The following BCL2L11 variants were observed in gnomAD, a reference collection of about 807,000 sequenced individuals.
BCL2L11 encodes BCL2 like 11.
Under a neutral mutation model 20.6 loss-of-function variants are expected in BCL2L11, and 15 were observed. That is an observed-to-expected ratio of 0.73 (90% CI 0.49 to 1.12). BCL2L11 has a LOEUF of 1.12. BCL2L11 is among the 50% of genes most tolerant of loss of function. The pLI is 0.00. For missense variants in BCL2L11, 292 were observed against 260.9 expected (o/e 1.12, Z -0.82); for synonymous variants, 108 against 92.8 (o/e 1.16, Z -0.94).
chr2:111,135,613 G>T (rs1385534921), intron 2 of BCL2L11, among the ~76,000 whole-genome samples: 1 of 152,138 alleles, frequency 6.6e-6, no homozygotes, highest in African/African-American at 2.4e-5. Flanking sequence ...TTTGATGCTA[G>T]ATGGGAGAGT....
chr2:111,136,707 T>C (rs1440519951), intron 2 of BCL2L11, among the ~76,000 whole-genome samples: 1 of 152,194 alleles, frequency 6.6e-6, no homozygotes, highest in Non-Finnish European at 1.5e-5. Flanking sequence ...CTCTGGGGTC[T>C]CTTTTGTGAG....
At chr2:111,155,577 A>C (rs13402681) in intron 3 of BCL2L11, among the ~76,000 whole-genome samples, 4,608 of 152,216 alleles carry the variant, frequency 0.03, 225 homozygotes, top group African/African-American at 0.1. Flanking sequence ...TCCCCTCCAT[A>C]ACCCCTAATA....
At chr2:111,144,469 G>A (rs2076244012) in intron 2 of BCL2L11, 1 of 1,550,354 alleles carries the variant, frequency 6.5e-7, no homozygotes, top group African/African-American at 1.4e-5. Context: ...GATGGCAGTT[G>A]CTCTCCTTTG....
At position 111,164,275 on chromosome 2, in the gene BCL2L11, G is replaced by A. The variant is rs945143035; in HGVS notation, c.*44G>A. ...GAGATACCATGCAGACATTTTGCTT[G>A]TTCAAACCAACAAGACCCAGCACCG... On this transcript the variant is annotated 3_prime_UTR_variant, in exon 4 of 4. Transcript: ENST00000393256. The A allele has an allele frequency of 8.3e-6, 12 of 1,454,070 alleles. No homozygotes were observed. Among genetic ancestry groups the A allele is most frequent in the African/African-American group, 1.4e-5 (1 of 71,522 alleles). The allele number at this position is 1,454,070 out of a possible 1,614,324, so 90.1% of individuals were successfully genotyped here.
intron 2 of BCL2L11, among the ~76,000 whole-genome samples, chr2:111,137,527 T>G (rs1319426681): frequency 6.6e-6 from 1 of 152,190 alleles, no homozygotes; most frequent in African/African-American, 2.4e-5. Context: ...CACCTGTCCT[T>G]GGAGACCTCA....
intron 2 of BCL2L11, chr2:111,131,454 T>G (rs77964380): frequency 8.5e-5 from 13 of 152,270 alleles, no homozygotes; most frequent in Non-Finnish European, 1.2e-4. Context: ...TGATAACCCC[T>G]GCTTCATTTC....
intron 3 of BCL2L11, among the ~76,000 whole-genome samples, chr2:111,160,419 T>C (rs1406108006): frequency 1.3e-5 from 2 of 152,224 alleles, no homozygotes; most frequent in African/African-American, 4.8e-5. Context: ...CCCCACCTGA[T>C]GCTGGTCAGC....
chr2:111,128,633 T>C (rs1310759279), intron 2 of BCL2L11: 1 of 1,493,156 alleles, frequency 6.7e-7, no homozygotes, highest in East Asian at 2.5e-5. Context: ...ACAGTAGTCA[T>C]CCTAGAGGAT....
In BCL2L11 at chr2:111,124,043, GAC is replaced by G; in HGVS notation, c.302_303del (p.Thr101ArgfsTer10). On this transcript the variant is annotated frameshift_variant, in exon 2 of 4. Transcript: ENST00000393256. LOFTEE classifies it high-confidence loss of function. ...SRSSSGYFSF[D>X]TDRSPAPMSC... Reference sequence around the variant, plus strand: ...ATCCTCCAGTGGGTATTTCTCTTTTGACACAGACAGGAGCCCAGCACCCATGA... The same window carrying G: ...ATCCTCCAGTGGGTATTTCTCTTTTGACAGACAGGAGCCCAGCACCCATGA... 6.2e-7 allele frequency: 1 copy of G among 1,614,130 alleles called. No individual in the cohort carries two copies. Among genetic ancestry groups the G allele is most frequent in the Non-Finnish European group, 8.5e-7 (1 of 1,180,016 alleles).
rs1452215851 is a variant in BCL2L11 at position 111,165,862 on chromosome 2, T to C, written c.*1631T>C. ...TAGAAGAGCCAGCATGTTCACGTTA[T>C]TTAAATTAGGTGGAAAAATCTAAAC... is the stretch of plus-strand genomic sequence containing the variant. On this transcript the variant is annotated 3_prime_UTR_variant, in exon 4 of 4. Transcript: ENST00000393256. 1.3e-5 allele frequency: 2 copies of C among 152,248 alleles called. No individual in the cohort carries two copies. The highest frequency in any genetic ancestry group is 2.4e-5 in the African/African-American group (1 of 41,464). The allele number at this position is 152,248 out of a possible 1,614,324, so 9.4% of individuals were successfully genotyped here. A position where few individuals can be genotyped will look rare whatever the true frequency, so the allele number is the denominator to read the frequency against.
At chr2:111,152,560 A>C (rs2077377676) in intron 3 of BCL2L11, among the ~76,000 whole-genome samples, 1 of 152,232 alleles carries the variant, frequency 6.6e-6, no homozygotes, top group Non-Finnish European at 1.5e-5. Flanking sequence ...GTGGTCAGTG[A>C]CAAGACATAG....
chr2:111,158,056 G>A (rs1041238416), intron 3 of BCL2L11, among the ~76,000 whole-genome samples: 4 of 152,186 alleles, frequency 2.6e-5, no homozygotes, highest in African/African-American at 4.8e-5. Flanking sequence ...AATCTCCTCT[G>A]ACACCTGAAA....
At chr2:111,164,081 CCCCA>C in intron 3 of BCL2L11, 48 bp from the exon 4 acceptor site, 1 of 666,766 alleles carries the variant, frequency 1.5e-6, no homozygotes, top group East Asian at 3.5e-5. Context: ...TCCCACCCCT[CCCCA>C]CCCCCAAATT....
intron 3 of BCL2L11, among the ~76,000 whole-genome samples, chr2:111,153,153 G>A (rs1559076198): frequency 6.6e-6 from 1 of 152,236 alleles, no homozygotes. Flanking sequence ...TGAGGCGGGT[G>A]GATCACCAGA....
At chr2:111,123,414 A>C in intron 1 of BCL2L11, 1 of 985,472 alleles carries the variant, frequency 1.0e-6, no homozygotes, top group Non-Finnish European at 1.2e-6. Context: ...TTACTCGAAG[A>C]AGTCTGTCCT....
intron 2 of BCL2L11, among the ~76,000 whole-genome samples, chr2:111,146,563 G>A (rs1349186176): frequency 6.6e-6 from 1 of 152,158 alleles, no homozygotes; most frequent in African/African-American, 2.4e-5. Flanking sequence ...TGTCATCGTG[G>A]TGGCAAAGCA....
intron 2 of BCL2L11, among the ~76,000 whole-genome samples, chr2:111,132,666 C>T (rs911374284): frequency 2.6e-5 from 4 of 152,216 alleles, no homozygotes; most frequent in Non-Finnish European, 5.9e-5. Flanking sequence ...TAGAAGCCTC[C>T]AGGCTTGAAA....
chr2:111,127,334 TC>T (rs1336057852), intron 2 of BCL2L11, among the ~76,000 whole-genome samples: 1 of 151,950 alleles, frequency 6.6e-6, no homozygotes, highest in African/African-American at 2.4e-5. Flanking sequence ...GGAGGAATGC[TC>T]CCTAGTGTCA....
rs2150141845 is a variant in BCL2L11 at position 111,123,946 on chromosome 2, T to G, written c.201T>G (p.Pro67=). The G allele has an allele frequency of 1.2e-6, 2 of 1,614,188 alleles. No homozygotes were observed. The highest frequency in any genetic ancestry group is 2.2e-5 in the East Asian group (1 of 44,882). The change falls in exon 2 of 4, where the codon CCT becomes CCG. Residue 67 remains proline, a synonymous_variant. Coordinates refer to ENST00000393256, the MANE Select transcript of BCL2L11 (RefSeq NM_138621.5). The part of the protein sequence containing the change: ...HGSPQGPLAP[P]ASPGPFATRS... ...GCCCTCAGGGCCCGCTGGCCCCACC[T>G]GCCAGCCCTGGCCCTTTTGCTACCA...
Sources: gnomAD v4.1 joint callset for allele counts (sites outside exome capture counted in the v4.1 genomes callset) on GRCh38, gnomAD v4.1.1 for gene constraint, MANE v1.5 for transcripts, NCBI Gene and HGNC (gene_info 2026-07-23, HGNC 2026-07-21) for gene names.